CDKL3: variants seen among roughly 807,000 people sequenced by gnomAD.
CDKL3 encodes cyclin dependent kinase like 3, also known as cyclin-dependent kinase-like 3.
CDKL3 carries 65 observed loss-of-function variants against 69.3 expected under a neutral mutation model. The ratio of observed to expected loss-of-function variants is 0.94; its 90% CI spans 0.77 to 1.15. CDKL3 has a LOEUF of 1.15. CDKL3 is among the 50% of genes most tolerant of loss of function. The pLI is 0.00. For synonymous variants in CDKL3, 202 were observed against 221.6 expected, an observed-to-expected ratio of 0.91 and a Z score of 0.79; for missense variants, 652 against 689.2, an observed-to-expected ratio of 0.95 and a Z score of 0.61.
intron 8 of CDKL3, among the ~76,000 whole-genome samples, chr5:134,292,930 G>A (rs972422002): frequency 1.4e-5 from 2 of 146,644 alleles, no homozygotes; most frequent in African/African-American, 5.0e-5. Flanking sequence ...ATAAATGTAA[G>A]GAAATTAAAT....
chr5:134,297,889 T>TG (rs1491513865), downstream of CDKL3, among the ~76,000 whole-genome samples: 10 of 104,128 alleles, frequency 9.6e-5, no homozygotes, highest in South Asian at 2.8e-3. Flanking sequence ...CCATGAATAG[T>TG]TTGTGTGTGT....
intron 4 of CDKL3, among the ~76,000 whole-genome samples, chr5:134,326,624 AGTTT>A (rs1406447609): frequency 6.6e-6 from 1 of 151,670 alleles, no homozygotes; most frequent in Non-Finnish European, 1.5e-5. Context: ...CTCTCTTATT[AGTTT>A]ATCACTGAAA....
intron 5 of CDKL3, 35 bp downstream of exon 5, chr5:134,321,756 A>T: frequency 2.8e-6 from 3 of 1,083,088 alleles, no homozygotes; most frequent in Non-Finnish European, 4.2e-6. Context: ...TATTTATTTT[A>T]GACATGTAAC....
At chr5:134,365,583 A>G (rs2149673741) in intron 2 of CDKL3, among the ~76,000 whole-genome samples, 1 of 152,300 alleles carries the variant, frequency 6.6e-6, no homozygotes, top group East Asian at 1.9e-4. Flanking sequence ...ATTCTGCACA[A>G]TAGTGGTAGA....
At chr5:134,345,674 CT>C (rs1751683862) in intron 4 of CDKL3, among the ~76,000 whole-genome samples, 1 of 152,120 alleles carries the variant, frequency 6.6e-6, no homozygotes, top group African/African-American at 2.4e-5. Context: ...ACACAAGATG[CT>C]CAGTGGGGGA....
intron 2 of CDKL3, among the ~76,000 whole-genome samples, chr5:134,361,595 T>A (rs1002221791): frequency 5.9e-5 from 9 of 152,150 alleles, no homozygotes; most frequent in African/African-American, 2.2e-4. Flanking sequence ...AATAGCATAT[T>A]GACAGCAGTG....
chr5:134,367,594 G>A (rs1306606071), upstream of CDKL3, among the ~76,000 whole-genome samples: 4 of 151,652 alleles, frequency 2.6e-5, no homozygotes, highest in Admixed American at 6.6e-5. Flanking sequence ...GGCTGGTCTC[G>A]AACTCCCAAC....
intron 2 of CDKL3, among the ~76,000 whole-genome samples, chr5:134,363,759 C>A (rs371414979): frequency 1.3e-5 from 2 of 152,014 alleles, no homozygotes; most frequent in Admixed American, 1.3e-4. Flanking sequence ...CCGCGCCCAG[C>A]GTAGAGCCAT....
intron 4 of CDKL3, among the ~76,000 whole-genome samples, chr5:134,323,459 T>C (rs1436273912): frequency 5.3e-5 from 8 of 152,176 alleles, no homozygotes; most frequent in African/African-American, 1.9e-4. Context: ...CTGACACTAC[T>C]TGACTTCAAG....
chr5:134,357,546 C>T (rs1238476236), intron 3 of CDKL3, among the ~76,000 whole-genome samples: 1 of 152,022 alleles, frequency 6.6e-6, no homozygotes, highest in Admixed American at 6.6e-5. Flanking sequence ...CAGGAAGAAT[C>T]GCTTGAACCC....
intron 2 of CDKL3, among the ~76,000 whole-genome samples, chr5:134,364,154 G>A (rs1012987306): frequency 6.6e-6 from 1 of 151,986 alleles, no homozygotes; most frequent in Non-Finnish European, 1.5e-5. Flanking sequence ...CCAATAAATA[G>A]AATACATACT....
At chr5:134,284,513 T>C (rs326610), downstream of CDKL3, among the ~76,000 whole-genome samples, 21,367 of 152,208 alleles carry the variant, frequency 0.14, 1,835 homozygotes, top group African/African-American at 0.23. Flanking sequence ...CACAGTGTCA[T>C]TGATAAACAT....
intron 4 of CDKL3, among the ~76,000 whole-genome samples, chr5:134,331,055 C>T (rs946044708): frequency 6.6e-6 from 1 of 152,182 alleles, no homozygotes. Flanking sequence ...CTGGTTGCAA[C>T]GGTTTTGGCA....
chr5:134,302,728 C>T (rs763584705), intron 11 of CDKL3, 41 bp from the exon 12 acceptor site: 7 of 1,035,070 alleles, frequency 6.8e-6, no homozygotes, highest in East Asian at 2.6e-5. Flanking sequence ...TTTGTTATTC[C>T]TACTTTGAAA....
intron 4 of CDKL3, among the ~76,000 whole-genome samples, chr5:134,343,690 C>G (rs1751101913): frequency 6.6e-6 from 1 of 152,118 alleles, no homozygotes; most frequent in Non-Finnish European, 1.5e-5. Flanking sequence ...ACTGGCTTAT[C>G]TGATCTCATG....
downstream of CDKL3, among the ~76,000 whole-genome samples, chr5:134,293,773 C>G (rs1765228780): frequency 6.6e-6 from 1 of 151,958 alleles, no homozygotes; most frequent in Admixed American, 6.6e-5. Context: ...GCATTCCAGC[C>G]TGGGTGGCAG....
At chr5:134,313,415 C>G (rs1770117155) in intron 6 of CDKL3, among the ~76,000 whole-genome samples, 1 of 152,114 alleles carries the variant, frequency 6.6e-6, no homozygotes, top group Non-Finnish European at 1.5e-5. Context: ...ACATACCAGA[C>G]AACGCTCCAG....
downstream of CDKL3, among the ~76,000 whole-genome samples, chr5:134,285,078 T>G (rs1355843645): frequency 6.6e-6 from 1 of 152,184 alleles, no homozygotes; most frequent in East Asian, 1.9e-4. Context: ...CTTCACAATT[T>G]ATGTTCTTCT....
At chr5:134,355,816 A>G (rs949077537) in intron 3 of CDKL3, among the ~76,000 whole-genome samples, 2 of 152,192 alleles carry the variant, frequency 1.3e-5, no homozygotes, top group African/African-American at 4.8e-5. Context: ...GCCGCTCCAT[A>G]CTAAGCTGCT....
Sources: allele counts gnomAD v4.1 joint callset (sites outside exome capture counted in the v4.1 genomes callset), GRCh38; gene constraint gnomAD v4.1.1; transcripts MANE v1.5; gene names NCBI Gene and HGNC (gene_info 2026-07-23, HGNC 2026-07-21).